Variants in TENT4A observed in about 807,000 individuals in gnomAD.
The protein encoded by TENT4A is DNA polymerase kappa.
A neutral mutation model predicts 72.8 loss-of-function variants in TENT4A; 7 were observed. The observed-to-expected ratio is 0.10, with a 90% CI of 0.05 to 0.18. The LOEUF (loss-of-function observed/expected upper bound fraction) is 0.18, where lower values mean the gene tolerates loss of function less well. Ranked by LOEUF, TENT4A falls within the 10% of genes least tolerant of loss-of-function variation. The pLI, the probability that TENT4A is intolerant of heterozygous loss-of-function variation, is 1.00. For missense variants in TENT4A, 831 were observed against 1,017.7 expected, an observed-to-expected ratio of 0.82 and a Z score of 2.50; for synonymous variants, 456 against 434.3, an observed-to-expected ratio of 1.05 and a Z score of -0.62.
intron 1 of TENT4A, among the ~76,000 whole-genome samples, chr5:6,734,310 A>G (rs995063190): frequency 5.3e-5 from 8 of 152,162 alleles, no homozygotes; most frequent in African/African-American, 1.7e-4. Flanking sequence ...CTGGCCCCCA[A>G]CCCTCGCCCT....
intron 1 of TENT4A, among the ~76,000 whole-genome samples, chr5:6,716,626 C>A (rs777033338): frequency 6.6e-6 from 1 of 152,146 alleles, no homozygotes; most frequent in Non-Finnish European, 1.5e-5. Context: ...GTCACCTCCC[C>A]CATCTCCAAT....
intron 1 of TENT4A, among the ~76,000 whole-genome samples, chr5:6,736,085 A>G (rs1487017197): frequency 6.6e-6 from 1 of 152,322 alleles, no homozygotes; most frequent in East Asian, 1.9e-4. Context: ...ATTAAATGTG[A>G]TACATAAAAT....
chr5:6,743,249 G>A (rs1741913708), intron 5 of TENT4A, among the ~76,000 whole-genome samples: 1 of 152,090 alleles, frequency 6.6e-6, no homozygotes, highest in African/African-American at 2.4e-5. Context: ...CATCTGGTCT[G>A]AGGGAGCATG....
At chr5:6,715,272 G>GA (rs1203161916) in intron 1 of TENT4A, among the ~76,000 whole-genome samples, 2 of 152,154 alleles carry the variant, frequency 1.3e-5, no homozygotes, top group African/African-American at 4.8e-5. Context: ...TTAATTCAAA[G>GA]AAAAAACCAG....
Position 6,756,373 on chromosome 5 carries a change from C to T in TENT4A, c.*1428C>T, listed in dbSNP as rs1742700925. 6.6e-6 allele frequency: 1 copy of T among 152,560 alleles called. No individual in the cohort carries two copies. Among genetic ancestry groups the T allele is most frequent in the East Asian group, 1.9e-4 (1 of 5,194 alleles). The allele number at this position is 152,560 out of a possible 1,614,324, so 9.5% of individuals were successfully genotyped here. A position where few individuals can be genotyped will look rare whatever the true frequency, so the allele number is the denominator to read the frequency against. On this transcript the variant is annotated 3_prime_UTR_variant, in exon 13 of 13. Coordinates refer to ENST00000230859, the MANE Select transcript of TENT4A (RefSeq NM_006999.6). ...AACGGGGGTCTGGTCTTGCTAAACA[C>T]TACAGGTAGGTTGGTCTTTGAAGTC...
intron 1 of TENT4A, among the ~76,000 whole-genome samples, chr5:6,732,333 G>A (rs1410335311): frequency 2.6e-5 from 4 of 152,276 alleles, no homozygotes; most frequent in Non-Finnish European, 5.9e-5. Context: ...GCTGAAAATC[G>A]TCCCCTAAAT....
At chr5:6,744,971 A>G (rs1301186770) in intron 6 of TENT4A, among the ~76,000 whole-genome samples, 2 of 152,078 alleles carry the variant, frequency 1.3e-5, no homozygotes, top group East Asian at 1.9e-4. Context: ...GGGTCCTTTC[A>G]GTGATCCTGT....
intron 12 of TENT4A, among the ~76,000 whole-genome samples, chr5:6,753,745 A>G (rs566501674): frequency 3.4e-4 from 52 of 151,844 alleles, no homozygotes; most frequent in African/African-American, 1.1e-3. Context: ...GTCTAATCCT[A>G]TTTTGCCAGT....
At chr5:6,750,953 C>A in intron 10 of TENT4A, 86 bp from the exon 11 acceptor site, 1 of 1,420,134 alleles carries the variant, frequency 7.0e-7, no homozygotes, top group Non-Finnish European at 9.8e-7. Flanking sequence ...AGCCTGGATG[C>A]AGGCGTTTCT....
chr5:6,750,614 C>G (rs1742349958), intron 10 of TENT4A, 111 bp downstream of exon 10: 3 of 1,071,144 alleles, frequency 2.8e-6, no homozygotes, highest in Middle Eastern at 2.8e-4. Context: ...GTTTTGTTTC[C>G]TTGTATGTGT....
Position 6,739,789 on chromosome 5 carries a change from G to A in TENT4A, c.945G>A (p.Glu315=), listed in dbSNP as rs371850305. The part of the protein sequence containing the change: ...KWERPPLQLL[E]QALRKHNVAE... ...AGCGTCCTCCTTTACAGCTGCTGGA[G>A]CAAGCCCTGCGGAAGCACAACGTGG... is the stretch of plus-strand genomic sequence containing the variant. The change falls in exon 4 of 13, where the codon GAG becomes GAA. Residue 315 remains glutamate, a synonymous_variant. Coordinates refer to ENST00000230859, the MANE Select transcript of TENT4A (RefSeq NM_006999.6). 1.2e-6 allele frequency: 2 copies of A among 1,614,080 alleles called. No individual in the cohort carries two copies. Among genetic ancestry groups the A allele is most frequent in the African/African-American group, 1.3e-5 (1 of 74,936 alleles).
intron 1 of TENT4A, among the ~76,000 whole-genome samples, chr5:6,724,077 TAACTCA>T (rs1221239605): frequency 2.6e-5 from 4 of 152,214 alleles, no homozygotes; most frequent in Non-Finnish European, 4.4e-5. Context: ...TCCTGGACTA[TAACTCA>T]TTTTGAAGAG....
chr5:6,727,705 C>T (rs977180210), intron 1 of TENT4A, among the ~76,000 whole-genome samples: 1 of 152,156 alleles, frequency 6.6e-6, no homozygotes, highest in African/African-American at 2.4e-5. Flanking sequence ...AGTTCACAGC[C>T]GTGGTTGCCA....
intron 1 of TENT4A, among the ~76,000 whole-genome samples, chr5:6,733,294 G>A (rs975236760): frequency 3.3e-5 from 5 of 152,240 alleles, no homozygotes; most frequent in African/African-American, 1.2e-4. Context: ...TGGTCAGGCC[G>A]CCTCTTGGCT....
intron 1 of TENT4A, among the ~76,000 whole-genome samples, chr5:6,731,542 CTTT>C (rs375328687): frequency 6.9e-6 from 1 of 143,906 alleles, no homozygotes; most frequent in Non-Finnish European, 1.5e-5. Context: ...GGTGCTGAAA[CTTT>C]TTTTTTTTTT....
At position 6,749,463 on chromosome 5, in the gene TENT4A, A is replaced by G. The variant is rs546793432; in HGVS notation, c.1587-94A>G. ...CTACTGTCCTTCACCTAGCGAGATG[A>G]TCTGTTAGGGGTATAAGGTAGCTGT... On this transcript the variant is annotated intron_variant, in intron 8 of 12. Transcript: ENST00000230859. The G allele has an allele frequency of 2.2e-4, 160 of 716,834 alleles. 5 individuals are homozygous for G. In the South Asian group the frequency reaches 2.7e-3, roughly 12 times the overall value. The allele number at this position is 716,834 out of a possible 1,614,324, so 44.4% of individuals were successfully genotyped here. A position where few individuals can be genotyped will look rare whatever the true frequency, so the allele number is the denominator to read the frequency against.
At chr5:6,738,011 C>T (rs1741598867) in intron 2 of TENT4A, among the ~76,000 whole-genome samples, 1 of 151,330 alleles carries the variant, frequency 6.6e-6, no homozygotes, top group South Asian at 2.1e-4. Context: ...CCCTGCTTCC[C>T]CACCACCACA....
chr5:6,739,597 G>A (rs571483645), intron 3 of TENT4A, 135 bp from the exon 4 acceptor site: 8 of 989,408 alleles, frequency 8.1e-6, no homozygotes, highest in African/African-American at 8.0e-5. Context: ...CTCCTTAGGG[G>A]CCATAGGCTA....
chr5:6,714,723 G>A (rs1740272591), intron 1 of TENT4A, 24 bp downstream of exon 1: 2 of 1,158,014 alleles, frequency 1.7e-6, no homozygotes, highest in East Asian at 7.5e-5. Context: ...GAGGCCGCGG[G>A]GGCGGGGGCG....
Sources: gnomAD v4.1 joint callset for allele counts (sites outside exome capture counted in the v4.1 genomes callset) on GRCh38, gnomAD v4.1.1 for gene constraint, MANE v1.5 for transcripts, NCBI Gene and HGNC (gene_info 2026-07-23, HGNC 2026-07-21) for gene names.